The following SUDS3 variants were observed in gnomAD, a reference collection of about 807,000 sequenced individuals.
SUDS3 encodes SIN3A corepressor complex component SDS3.
In SUDS3, 23 loss-of-function variants were observed where a neutral mutation model predicts 53.5. The ratio of observed to expected loss-of-function variants is 0.43; its 90% CI spans 0.31 to 0.61. SUDS3 has a LOEUF of 0.61. SUDS3 is among the 20% of genes least tolerant of loss of function. The pLI, the probability that SUDS3 is intolerant of heterozygous loss-of-function variation, is 0.10. For missense variants in SUDS3, 291 were observed against 405.9 expected (o/e 0.72, Z 2.43); for synonymous variants, 150 against 148.5 (o/e 1.01, Z -0.08).
Position 118,380,096 on chromosome 12 carries a change from G to C in SUDS3, c.143-66G>C, listed in dbSNP as rs1280736012. On this transcript the variant is annotated intron_variant, in intron 1 of 11. Transcript: ENST00000543473. Reference sequence around the variant, plus strand: ...CGGGAGTTTATTGAGTGCATACTCTGTGTCAGGTGACGCCAACTCCGTGAA... The same window carrying C: ...CGGGAGTTTATTGAGTGCATACTCTCTGTCAGGTGACGCCAACTCCGTGAA... 3 of 1,299,532 alleles carry C rather than the reference G, an allele frequency of 2.3e-6. No individual in the cohort carries two copies. In the African/African-American group the frequency reaches 4.4e-5, roughly 19 times the overall value. The allele number at this position is 1,299,532 out of a possible 1,614,324, so 80.5% of individuals were successfully genotyped here.
chr12:118,392,661 C>G (rs746392761), intron 6 of SUDS3, among the ~76,000 whole-genome samples: 3 of 152,188 alleles, frequency 2.0e-5, no homozygotes, highest in Non-Finnish European at 2.9e-5. Context: ...TGCCTGCCGG[C>G]TTTTGGACCT....
chr12:118,397,052 A>G (rs1018106273), intron 6 of SUDS3, among the ~76,000 whole-genome samples: 3 of 152,192 alleles, frequency 2.0e-5, no homozygotes, highest in Admixed American at 6.5e-5. Flanking sequence ...CGCTCTCTCA[A>G]GTCTGCTTTA....
chr12:118,378,823 G>T (rs61943390), intron 1 of SUDS3, among the ~76,000 whole-genome samples: 8 of 152,062 alleles, frequency 5.3e-5, no homozygotes, highest in Non-Finnish European at 8.8e-5. Context: ...TTACAGGCAT[G>T]TGCCGCCACC....
At chr12:118,408,447 C>T (rs542781104) in intron 10 of SUDS3, among the ~76,000 whole-genome samples, 2 of 152,022 alleles carry the variant, frequency 1.3e-5, no homozygotes, top group South Asian at 4.1e-4. Context: ...AATTCTTGTG[C>T]TTCAGCCTCC....
At chr12:118,402,308 T>C (rs1159952981) in intron 9 of SUDS3, 1 of 412,492 alleles carries the variant, frequency 2.4e-6, no homozygotes, top group Non-Finnish European at 4.3e-6. Flanking sequence ...TACACATCCA[T>C]TTTTGAAAAT....
At chr12:118,384,116 A>T in intron 3 of SUDS3, 49 bp downstream of exon 3, 1 of 1,561,968 alleles carries the variant, frequency 6.4e-7, no homozygotes, top group Non-Finnish European at 8.8e-7. Flanking sequence ...TCTTAATATT[A>T]CAAACCCTTG....
At chr12:118,386,732 C>T (rs925384994) in intron 4 of SUDS3, among the ~76,000 whole-genome samples, 1 of 152,096 alleles carries the variant, frequency 6.6e-6, no homozygotes, top group African/African-American at 2.4e-5. Context: ...AATATAAAGT[C>T]ATGTAACACA....
intron 1 of SUDS3, among the ~76,000 whole-genome samples, chr12:118,379,116 T>G (rs191455293): frequency 4.6e-4 from 70 of 151,760 alleles, no homozygotes; most frequent in Admixed American, 1.2e-3. Context: ...CTGGCCTGGA[T>G]ATTCTAAGTA....
At chr12:118,399,456 C>G (rs138702342) in intron 6 of SUDS3, among the ~76,000 whole-genome samples, 1 of 152,078 alleles carries the variant, frequency 6.6e-6, no homozygotes, top group African/African-American at 2.4e-5. Flanking sequence ...GAATGAAGAT[C>G]GTGCCACTGC....
In SUDS3 at chr12:118,401,830, G is replaced by T. The variant is rs776652839; in HGVS notation, c.675+10G>T. On this transcript the variant is annotated intron_variant, in intron 8 of 11. Coordinates refer to ENST00000543473, the MANE Select transcript of SUDS3 (RefSeq NM_022491.3). ...GAGAACATTAAATAAGGTACGGTTT[G>T]ACTTTTTTGATTTATTTGAAAACTC... 10 of 1,613,106 alleles carry T rather than the reference G, an allele frequency of 6.2e-6. No homozygotes were observed. The highest frequency in any genetic ancestry group is 3.3e-5 in the South Asian group (3 of 91,018).
intron 11 of SUDS3, among the ~76,000 whole-genome samples, chr12:118,412,256 A>G (rs568171304): frequency 1.3e-5 from 2 of 152,370 alleles, no homozygotes; most frequent in South Asian, 2.1e-4. Flanking sequence ...AAAAACTTTA[A>G]TAGCTGGATT....
At chr12:118,400,596 T>A in intron 6 of SUDS3, 63 bp from the exon 7 acceptor site, 1 of 1,495,312 alleles carries the variant, frequency 6.7e-7, no homozygotes. Flanking sequence ...TCTTATACTA[T>A]AGAAATTCTT....
rs780975108 is a variant in SUDS3 at position 118,415,247 on chromosome 12, A to C, written c.*814A>C. ...TCCTCTCCCTTGTTCCCAAGTAGGTAGTAGTAAGTATGTGCCACAGGCTGA... is the reference window on the plus strand; with the variant it reads ...TCCTCTCCCTTGTTCCCAAGTAGGTCGTAGTAAGTATGTGCCACAGGCTGA... On this transcript the variant is annotated 3_prime_UTR_variant, in exon 12 of 12. Coordinates refer to ENST00000543473, the MANE Select transcript of SUDS3 (RefSeq NM_022491.3). The C allele has an allele frequency of 6.6e-6, 1 of 152,306 alleles. No individual in the cohort carries two copies. The highest frequency in any genetic ancestry group is 1.9e-4 in the East Asian group (1 of 5,188). 9.4% of individuals were successfully genotyped at this position (152,306 alleles called of 1,614,324 possible).
chr12:118,403,433 A>T lies in SUDS3; in HGVS notation c.719A>T (p.His240Leu). The part of the protein sequence containing the change: ...KRPASPSSPE[H>L]LPATPAESPA... Reference sequence around the variant, plus strand: ...CCAGCATCTCCATCCTCTCCTGAGCACTTGCCTGCAACACCCGCGGAATCT... The same window carrying T: ...CCAGCATCTCCATCCTCTCCTGAGCTCTTGCCTGCAACACCCGCGGAATCT... The change falls in exon 10 of 12, where the codon CAC (histidine) becomes CTC (leucine). Residue 240 changes from histidine (H) to leucine (L), a missense_variant. Coordinates refer to ENST00000543473, the MANE Select transcript of SUDS3 (RefSeq NM_022491.3). 6.2e-7 allele frequency: 1 copy of T among 1,613,650 alleles called. No homozygotes were observed. The highest frequency in any genetic ancestry group is 8.5e-7 in the Non-Finnish European group (1 of 1,179,782).
chr12:118,391,323 C>T (rs377205020), intron 6 of SUDS3, 41 bp downstream of exon 6: 33 of 1,564,436 alleles, frequency 2.1e-5, no homozygotes, highest in South Asian at 1.5e-4. Context: ...GGGCCCTGAG[C>T]GGGGGGGTGT....
At chr12:118,401,165 TTGCAACC>T (rs1346484108) in intron 7 of SUDS3, among the ~76,000 whole-genome samples, 1 of 152,236 alleles carries the variant, frequency 6.6e-6, no homozygotes, top group Non-Finnish European at 1.5e-5. Context: ...ATGTAGTGGA[TTGCAACC>T]TGTTTTTAAA....
At chr12:118,380,985 G>A (rs746936529) in intron 2 of SUDS3, among the ~76,000 whole-genome samples, 2 of 152,176 alleles carry the variant, frequency 1.3e-5, no homozygotes, top group Non-Finnish European at 2.9e-5. Flanking sequence ...TTACAGGCGC[G>A]AGCCACTGCG....
At chr12:118,390,040 G>A in intron 5 of SUDS3, 94 bp downstream of exon 5, 1 of 1,486,892 alleles carries the variant, frequency 6.7e-7, no homozygotes. Context: ...TCACCAAGTA[G>A]ATAGTTTGGA....
intron 1 of SUDS3, among the ~76,000 whole-genome samples, chr12:118,378,581 A>G (rs1443990146): frequency 6.6e-6 from 1 of 151,916 alleles, no homozygotes; most frequent in East Asian, 1.9e-4. Context: ...TCCTGGGTTC[A>G]AGCAGTTCTC....
Sources: allele counts gnomAD v4.1 joint callset (sites outside exome capture counted in the v4.1 genomes callset), GRCh38; gene constraint gnomAD v4.1.1; transcripts MANE v1.5; gene names NCBI Gene and HGNC (gene_info 2026-07-23, HGNC 2026-07-21).